POLE: variants seen among roughly 807,000 people sequenced by gnomAD.
The protein encoded by POLE is DNA polymerase epsilon catalytic subunit A.
Under a neutral mutation model 279.2 loss-of-function variants are expected in POLE, and 188 were observed. That is an observed-to-expected ratio of 0.67 (90% confidence interval 0.60 to 0.76). POLE has a LOEUF of 0.76. POLE is among the 30% of genes least tolerant of loss of function. The pLI, the probability that POLE is intolerant of heterozygous loss-of-function variation, is 0.00. For synonymous variants in POLE, 1,214 were observed against 1,172.5 expected (o/e 1.04, Z -0.72); for missense variants, 2,703 against 3,016.7 (o/e 0.90, Z 2.44).
intron 39 of POLE, chr12:132,641,189 C>T (rs1172354150): frequency 2.5e-6 from 1 of 404,766 alleles, no homozygotes; most frequent in Non-Finnish European, 5.0e-6. Flanking sequence ...CCAGCATGAA[C>T]CACCGCTGGT....
chr12:132,655,438 T>TTTTCAAGATAA (rs1333745312), intron 29 of POLE, among the ~76,000 whole-genome samples: 2 of 152,256 alleles, frequency 1.3e-5, no homozygotes, highest in African/African-American at 4.8e-5. Context: ...AGGTATTCTC[T>TTTTCAAGATAA]AATTTTAGTG....
chr12:132,672,672 G>T lies in POLE; in HGVS notation c.1641C>A (p.Leu547=), dbSNP rs267603387. Residue 547 remains leucine (L), a synonymous_variant, in exon 15 of 49, where the codon CTC becomes CTA. Coordinates refer to ENST00000320574, the MANE Select transcript of POLE (RefSeq NM_006231.4). ...ETYVGGHVEA[L]ESGVFRSDIP... Reference sequence around the variant, plus strand: ...TATCGCTGCGGAAAACCCCAGACTCGAGGGCCTCCACGTGGCCCCCGACGT... The same window carrying T: ...TATCGCTGCGGAAAACCCCAGACTCTAGGGCCTCCACGTGGCCCCCGACGT... 3.1e-6 allele frequency: 5 copies of T among 1,613,996 alleles called. No homozygotes were observed. Among genetic ancestry groups the T allele is most frequent in the Admixed American group, 3.3e-5 (2 of 60,010 alleles).
chr12:132,632,211 C>A (rs750267353), intron 45 of POLE, 104 bp downstream of exon 45: 2 of 862,986 alleles, frequency 2.3e-6, no homozygotes, highest in Non-Finnish European at 3.7e-6. Context: ...TACGCTAGCA[C>A]GTTCATGGTG....
rs979854239 is a variant in POLE at position 132,675,056 on chromosome 12, T to C, written c.1226+342A>G. ...TGGTTGTCCCGTGAGGCTTGTCCTG[T>C]GAGGCAGCCGGGCTGCCACATCCCA... On this transcript the variant is annotated intron_variant, in intron 12 of 48. Transcript: ENST00000320574. This position sits in a 1 kb window ranked among gnomAD's most constrained non-coding sequence, Gnocchi z 4.3. Among the ~76,000 whole-genome samples, 1 of 152,200 alleles carries C rather than the reference T, an allele frequency of 6.6e-6. No homozygotes were observed.
chr12:132,661,055 C>CTT lies in POLE; in HGVS notation c.2973_2974insAA (p.Ala992LysfsTer16). ...TCCAGCGTGCTGCCCTTGAGGAAGG[C>CTT]CTCAAACACCGAGGATTGGAAGATC... On this transcript the variant is annotated frameshift_variant, in exon 25 of 49. Transcript: ENST00000320574. LOFTEE classifies it high-confidence loss of function. This position sits in a 1 kb window ranked among gnomAD's most constrained non-coding sequence, Gnocchi z 4.1. 1 of 1,614,130 alleles carries CTT rather than the reference C, an allele frequency of 6.2e-7. No homozygotes were observed. The highest frequency in any genetic ancestry group is 8.5e-7 in the Non-Finnish European group (1 of 1,180,014).
rs367726448 is a variant in POLE at position 132,625,790 on chromosome 12, G to A, written c.6532-20C>T. 1.8e-5 allele frequency: 29 copies of A among 1,605,354 alleles called. No homozygotes were observed. In the African/African-American group the frequency reaches 2.9e-4, roughly 16 times the overall value. ...CCCATCCTAGGCAGAGCAAGAGTGCGAGAGGTCACCAGCCCAGCCTCCAGA... is the reference window on the plus strand; with the variant it reads ...CCCATCCTAGGCAGAGCAAGAGTGCAAGAGGTCACCAGCCCAGCCTCCAGA... On this transcript the variant is annotated intron_variant, in intron 46 of 48. Coordinates refer to ENST00000320574, the MANE Select transcript of POLE (RefSeq NM_006231.4).
Position 132,661,269 on chromosome 12 carries a change from C to T in POLE, c.2865-105G>A, listed in dbSNP as rs1365042171. The T allele has an allele frequency of 1.1e-5, 13 of 1,143,970 alleles. No individual in the cohort carries two copies. The African/African-American group carries it at 1.4e-4, about 12-fold the overall frequency. The allele number at this position is 1,143,970 out of a possible 1,614,324, so 70.9% of individuals were successfully genotyped here. On this transcript the variant is annotated intron_variant, in intron 24 of 48. Coordinates refer to ENST00000320574, the MANE Select transcript of POLE (RefSeq NM_006231.4). The surrounding 1 kb of genome is among the most constrained non-coding windows in gnomAD (Gnocchi z 4.1). ...CGCCTCTTCCCTTTCCAACCCTCCA[C>T]CTGTCATCCACGAGGCAGCAAACGT...
intron 25 of POLE, chr12:132,659,715 CAG>C (rs1272949754): frequency 1.8e-6 from 1 of 556,718 alleles, no homozygotes; most frequent in African/African-American, 1.9e-5. Context: ...TTTTTTGAGA[CAG>C]AGTCTCATTC....
intron 1 of POLE, among the ~76,000 whole-genome samples, chr12:132,681,760 C>T (rs948595996): frequency 3.3e-5 from 5 of 152,204 alleles, no homozygotes; most frequent in African/African-American, 4.8e-5. Flanking sequence ...AACTTTATAA[C>T]CAGAATACTA....
Position 132,638,003 on chromosome 12 carries a change from G to A in POLE, c.5678+11C>T, listed in dbSNP as rs1286419906. 6.2e-7 allele frequency: 1 copy of A among 1,613,246 alleles called. No homozygotes were observed. Among genetic ancestry groups the A allele is most frequent in the Non-Finnish European group, 8.5e-7 (1 of 1,179,444 alleles). On this transcript the variant is annotated intron_variant, in intron 41 of 48. Coordinates refer to ENST00000320574, the MANE Select transcript of POLE (RefSeq NM_006231.4). ...CCACAGTGCTGCGTCACCAGGACCA[G>A]CCAGCCGCACCTGCTGGTGATGTAC...
Position 132,668,496 on chromosome 12 carries a change from G to A in POLE, c.2033C>T (p.Ala678Val), listed in dbSNP as rs116719126. ...AWQWRGEFMP[A>V]SRSEYHRIQH... Reference sequence around the variant, plus strand: ...GATCCGATGGTATTCGCTGCGACTGGCTGGCACTGGGAAGGAGGCAATGGG... The same window carrying A: ...GATCCGATGGTATTCGCTGCGACTGACTGGCACTGGGAAGGAGGCAATGGG... Residue 678 changes from alanine to valine, a missense_variant, in exon 19 of 49, where the codon GCC (alanine) becomes GTC (valine). Ala to Val is a moderately conservative substitution (Grantham distance 64, BLOSUM62 0). Transcript: ENST00000320574. The surrounding 1 kb of genome is among the most constrained non-coding windows in gnomAD (Gnocchi z 4.0). The A allele has an allele frequency of 6.3e-7, 1 of 1,592,864 alleles. No individual in the cohort carries two copies. Among genetic ancestry groups the A allele is most frequent in the East Asian group, 2.2e-5 (1 of 44,524 alleles).
chr12:132,658,169 C>T (rs912081073), intron 26 of POLE, 199 bp from the exon 27 acceptor site: 11 of 522,336 alleles, frequency 2.1e-5, no homozygotes, highest in Non-Finnish European at 3.5e-5. Flanking sequence ...TGTGTAAACA[C>T]GTGCGTGTGT....
Position 132,626,108 on chromosome 12 carries a change from C to A in POLE, c.6531+9G>T. 6.3e-7 allele frequency: 1 copy of A among 1,585,794 alleles called. No homozygotes were observed. Among genetic ancestry groups the A allele is most frequent in the Non-Finnish European group, 8.6e-7 (1 of 1,166,732 alleles). On this transcript the variant is annotated intron_variant, in intron 46 of 48. Transcript: ENST00000320574. ...CCACAGTGAAGGGCCCGCTGGAGCT[C>A]AGCCGCACCTCTGAGAAGGAAGAGT...
rs145621558 is a variant in POLE at position 132,638,056 on chromosome 12, C to T, written c.5636G>A (p.Arg1879His). 69 of 1,614,062 alleles carry T rather than the reference C, an allele frequency of 4.3e-5. No individual in the cohort carries two copies. The African/African-American group carries it at 7.2e-4, about 17-fold the overall frequency. Residue 1879 changes from arginine to histidine, a missense_variant, in exon 41 of 49, where the codon CGT becomes CAT. Physicochemically the swap from Arg to His is conservative, Grantham distance 29 (BLOSUM62 0). Transcript: ENST00000320574. The stretch of plus-strand genomic sequence containing the variant: ...CACGTAAGCGATGGCATCTTCCACA[C>T]GGCGCTTCTTTGTACAGAGGATGAT... ...NRIILCTKKR[R>H]VEDAIAYVEY...
In POLE at chr12:132,673,175, C is replaced by G. The variant is rs375615461; in HGVS notation, c.1462G>C (p.Glu488Gln). ...CAGATAATGCTCACCTCGTCGGGCT[C>G]CATGGGAATAATGGTGCACAGAGCA... ...IFALCTIIPM[E>Q]PDEVLRKGSG... Residue 488 changes from glutamate to glutamine, a missense_variant, in exon 14 of 49, where the codon GAG becomes CAG. This residue lies in a region of POLE where 1,011 missense variants were observed against 1,111.7 expected (regional missense o/e 0.91). Coordinates refer to ENST00000320574, the MANE Select transcript of POLE (RefSeq NM_006231.4). 1 of 1,607,988 alleles carries G rather than the reference C, an allele frequency of 6.2e-7. No individual in the cohort carries two copies. The highest frequency in any genetic ancestry group is 8.5e-7 in the Non-Finnish European group (1 of 1,174,524).
intron 2 of POLE, 193 bp downstream of exon 2, chr12:132,680,945 T>G: frequency 1.5e-6 from 1 of 658,924 alleles, no homozygotes; most frequent in Non-Finnish European, 2.6e-6. Context: ...GCCCATCACC[T>G]CCGGCTTCTC....
At chr12:132,679,458 C>G (rs2043120706) in intron 6 of POLE, 39 bp downstream of exon 6, 2 of 1,578,506 alleles carry the variant, frequency 1.3e-6, no homozygotes, top group Admixed American at 1.7e-5. Flanking sequence ...TCTTGTCGTT[C>G]TGAACCGCTG....
intron 16 of POLE, among the ~76,000 whole-genome samples, chr12:132,669,504 A>C (rs1344482342): frequency 3.3e-5 from 5 of 152,150 alleles, no homozygotes; most frequent in African/African-American, 1.2e-4. Context: ...AAAACCCTCC[A>C]AAGTAGTAAA....
At chr12:132,679,859 A>AG in intron 5 of POLE, 95 bp downstream of exon 5, 1 of 1,045,012 alleles carries the variant, frequency 9.6e-7, no homozygotes. Context: ...ATCACCCAAC[A>AG]GATGACCTGA....
Sources: allele counts gnomAD v4.1 joint callset (sites outside exome capture counted in the v4.1 genomes callset), GRCh38; gene constraint gnomAD v4.1.1; regional missense constraint gnomAD v4.1.1; non-coding constraint Gnocchi (gnomAD v3.1); transcripts MANE v1.5; gene names NCBI Gene and HGNC (gene_info 2026-07-23, HGNC 2026-07-21).